The following KATNAL1 variants were observed in gnomAD, a reference collection of about 807,000 sequenced individuals.
The protein encoded by KATNAL1 is katanin p60 ATPase-containing subunit A-like 1.
Under a neutral mutation model 55.2 loss-of-function variants are expected in KATNAL1, and 32 were observed. The ratio of observed to expected loss-of-function variants is 0.58; its 90% CI spans 0.44 to 0.78. The LOEUF (loss-of-function observed/expected upper bound fraction) is 0.78, where lower values mean the gene tolerates loss of function less well. Among genes scored for constraint, KATNAL1 ranks in the 30% least tolerant of loss-of-function variants. The probability of loss-of-function intolerance (pLI) is 0.00; values close to 1 mark genes in which losing one functional copy is unlikely to be tolerated. For missense variants in KATNAL1, 466 were observed against 600.9 expected (o/e 0.78, Z 2.35); for synonymous variants, 193 against 193.6 (o/e 1.00, Z 0.02).
chr13:30,213,328 G>A (rs903449079), intron 9 of KATNAL1, among the ~76,000 whole-genome samples: 10 of 152,116 alleles, frequency 6.6e-5, no homozygotes, highest in South Asian at 2.1e-4. Flanking sequence ...ATTCATAGCC[G>A]AATTCCACCA....
At chr13:30,212,033 C>G (rs1023676194) in intron 9 of KATNAL1, among the ~76,000 whole-genome samples, 17 of 152,168 alleles carry the variant, frequency 1.1e-4, no homozygotes, top group African/African-American at 4.1e-4. Flanking sequence ...AAAATGAAAT[C>G]AGGTCCTACA....
chr13:30,215,478 A>T (rs1039575196), intron 9 of KATNAL1, among the ~76,000 whole-genome samples: 6 of 152,198 alleles, frequency 3.9e-5, no homozygotes, highest in African/African-American at 1.4e-4. Flanking sequence ...ATGCACACGT[A>T]TGTTTATTGT....
chr13:30,261,463 A>G (rs1180901169), intron 3 of KATNAL1, among the ~76,000 whole-genome samples: 6 of 152,256 alleles, frequency 3.9e-5, no homozygotes, highest in Admixed American at 3.9e-4. Flanking sequence ...TGCTGTATTC[A>G]GGAGACCCAT....
Position 30,234,866 on chromosome 13 carries a change from C to G in KATNAL1, c.727-3394G>C, listed in dbSNP as rs545292791. ...CTCTAAATCCTTGGAATTACCCTAG[C>G]GACAGGATTATTGTTGTTATCACAA... On this transcript the variant is annotated intron_variant, in intron 6 of 10. Transcript: ENST00000380615. Among the ~76,000 whole-genome samples, 15 of 152,264 alleles carry G rather than the reference C, an allele frequency of 9.9e-5. No individual in the cohort carries two copies. The South Asian group carries it at 2.5e-3, about 25-fold the overall frequency.
At chr13:30,293,229 CCTCT>C (rs1228000239) in intron 1 of KATNAL1, among the ~76,000 whole-genome samples, 1 of 152,074 alleles carries the variant, frequency 6.6e-6, no homozygotes, top group Non-Finnish European at 1.5e-5. Flanking sequence ...CTTTTTTCCA[CCTCT>C]CTGTCCTTTT....
At chr13:30,230,367 A>G in intron 8 of KATNAL1, 101 bp downstream of exon 8, 1 of 1,049,956 alleles carries the variant, frequency 9.5e-7, no homozygotes. Flanking sequence ...GAATGAACAA[A>G]TAATTAAACT....
chr13:30,260,477 G>C (rs1314631154), intron 3 of KATNAL1, among the ~76,000 whole-genome samples: 4 of 152,104 alleles, frequency 2.6e-5, no homozygotes. Flanking sequence ...TTTGAAAAAA[G>C]TTTAGAAGAA....
chr13:30,271,898 AAAC>A, intron 3 of KATNAL1, among the ~76,000 whole-genome samples: 1 of 151,524 alleles, frequency 6.6e-6, no homozygotes, highest in African/African-American at 2.4e-5. Context: ...AAAAAAAAAA[AAAC>A]AGAGTTGTGT....
chr13:30,271,752 G>C (rs1194995427), intron 3 of KATNAL1, among the ~76,000 whole-genome samples: 3 of 152,020 alleles, frequency 2.0e-5, no homozygotes, highest in Non-Finnish European at 4.4e-5. Flanking sequence ...AAGAAAACAT[G>C]AGCTCCTGGA....
chr13:30,228,279 T>C (rs1465994470), intron 8 of KATNAL1, among the ~76,000 whole-genome samples: 1 of 152,244 alleles, frequency 6.6e-6, no homozygotes, highest in Non-Finnish European at 1.5e-5. Flanking sequence ...CTTTCTAGTC[T>C]AGCATAATAA....
At chr13:30,240,819 T>C in intron 5 of KATNAL1, 140 bp downstream of exon 5, 1 of 840,516 alleles carries the variant, frequency 1.2e-6, no homozygotes, top group Admixed American at 2.9e-5. Flanking sequence ...TCGACAGAAC[T>C]GTCTCGTCAA....
chr13:30,295,267 G>C (rs759838356), intron 1 of KATNAL1, among the ~76,000 whole-genome samples: 1 of 152,178 alleles, frequency 6.6e-6, no homozygotes, highest in African/African-American at 2.4e-5. Context: ...ATGCCAGTAA[G>C]AACATTTGTG....
chr13:30,265,794 T>C (rs1187098313), intron 3 of KATNAL1, among the ~76,000 whole-genome samples: 1 of 151,188 alleles, frequency 6.6e-6, no homozygotes, highest in African/African-American at 2.4e-5. Flanking sequence ...GCAGATCACC[T>C]GAGGTCAGGA....
intron 2 of KATNAL1, among the ~76,000 whole-genome samples, chr13:30,282,340 T>C (rs1241897376): frequency 2.0e-5 from 3 of 152,152 alleles, no homozygotes; most frequent in African/African-American, 7.2e-5. Context: ...AGGGCAAGTA[T>C]GAATACTTTA....
chr13:30,248,637 T>G (rs1878006695), intron 4 of KATNAL1, among the ~76,000 whole-genome samples: 1 of 152,218 alleles, frequency 6.6e-6, no homozygotes, highest in Non-Finnish European at 1.5e-5. Flanking sequence ...TAAAAAAGAC[T>G]GACAACGCCG....
At chr13:30,216,538 G>A (rs944673510) in intron 9 of KATNAL1, among the ~76,000 whole-genome samples, 8 of 152,172 alleles carry the variant, frequency 5.3e-5, no homozygotes, top group African/African-American at 1.9e-4. Context: ...AAACAGAAAG[G>A]GCAGGACTGG....
At position 30,216,886 on chromosome 13, in the gene KATNAL1, G is replaced by A. The variant is rs141085628; in HGVS notation, c.1148-6444C>T. Among the ~76,000 whole-genome samples the A allele has an allele frequency of 7.9e-5, 12 of 152,326 alleles. No homozygotes were observed. In the East Asian group the frequency reaches 2.3e-3, roughly 29 times the overall value. ...CCAATATTAGAATACCACTGTATGT[G>A]TAAATCAAACGTTTCACTGTGCCTG... On this transcript the variant is annotated intron_variant, in intron 9 of 10. Coordinates refer to ENST00000380615, the MANE Select transcript of KATNAL1 (RefSeq NM_032116.5).
rs531694249 is a variant in KATNAL1, at chr13:30,215,939, TA to T, written c.1148-5498del. ...TTAAAGTATAATAATAATAAAATTT[TA>T]AAAAAAAGAAAATTAACTTCTGTTG... On this transcript the variant is annotated intron_variant, in intron 9 of 10. Coordinates refer to ENST00000380615, the MANE Select transcript of KATNAL1 (RefSeq NM_032116.5). Among the ~76,000 whole-genome samples the T allele has an allele frequency of 9.6e-3, 1,453 of 152,012 alleles. 25 individuals are homozygous for T. The highest frequency in any genetic ancestry group is 0.033 in the African/African-American group (1,361 of 41,468).
intron 4 of KATNAL1, among the ~76,000 whole-genome samples, chr13:30,249,156 T>TG (rs1878069392): frequency 6.6e-6 from 1 of 151,382 alleles, no homozygotes; most frequent in African/African-American, 2.4e-5. Flanking sequence ...TGCTTGAACC[T>TG]GGGAGGCGGA....
Sources: gnomAD v4.1 joint callset for allele counts (sites outside exome capture counted in the v4.1 genomes callset) on GRCh38, gnomAD v4.1.1 for gene constraint, MANE v1.5 for transcripts, NCBI Gene and HGNC (gene_info 2026-07-23, HGNC 2026-07-21) for gene names.